GPR107: variants seen among roughly 807,000 people sequenced by gnomAD.
GPR107 encodes G protein-coupled receptor 107, also known as protein GPR107.
A neutral mutation model predicts 75.5 loss-of-function variants in GPR107; 31 were observed. The ratio of observed to expected loss-of-function variants is 0.41; its 90% CI spans 0.31 to 0.55. The LOEUF is 0.55. GPR107 is among the 20% of genes least tolerant of loss of function. GPR107 has a pLI of 0.26. For synonymous variants in GPR107, 267 were observed against 251.3 expected, an observed-to-expected ratio of 1.06 and a Z score of -0.59; for missense variants, 572 against 665.7, an observed-to-expected ratio of 0.86 and a Z score of 1.55.
chr9:130,054,170 AC>A, intron 1 of GPR107, 97 bp downstream of exon 1: 1 of 1,173,334 alleles, frequency 8.5e-7, no homozygotes, highest in Non-Finnish European at 1.2e-6. Context: ...GAGCCACTGG[AC>A]CACCTCTTTG....
intron 17 of GPR107, among the ~76,000 whole-genome samples, chr9:130,134,691 A>G (rs1183540498): frequency 1.3e-5 from 2 of 152,274 alleles, no homozygotes; most frequent in South Asian, 2.1e-4. Flanking sequence ...TAACTATCAC[A>G]TATCTGTGCG....
chr9:130,090,762 G>T, intron 7 of GPR107, 114 bp from the exon 8 acceptor site: 4 of 497,956 alleles, frequency 8.0e-6, no homozygotes, highest in Non-Finnish European at 1.4e-5. Flanking sequence ...TAGAAATATA[G>T]CTGAGTAGAA....
chr9:130,101,189 A>G lies in GPR107; in HGVS notation c.1097A>G (p.Asp366Gly). 1 of 1,593,058 alleles carries G rather than the reference A, an allele frequency of 6.3e-7. No homozygotes were observed. The highest frequency in any genetic ancestry group is 8.6e-7 in the Non-Finnish European group (1 of 1,160,754). ...AFIKHILSDK[D>G]KKIFMIVIPL... is the part of the protein sequence containing the mutation. ...ATTAAGCACATCCTTTCTGATAAAG[A>G]CAAAAAGATCTTCATGATTGTCATT... Residue 366 changes from aspartate (D) to glycine (G), a missense_variant, in exon 12 of 18, where the codon GAC becomes GGC. Asp to Gly is a moderately conservative substitution (Grantham distance 94). Transcript: ENST00000347136.
chr9:130,062,415 A>C (rs1169326672), intron 1 of GPR107, among the ~76,000 whole-genome samples: 1 of 124,710 alleles, frequency 8.0e-6, no homozygotes, highest in African/African-American at 3.4e-5. Flanking sequence ...CCCTGTCTCG[A>C]AAATGATAAT....
chr9:130,074,004 G>A (rs1299569318), intron 1 of GPR107, among the ~76,000 whole-genome samples: 1 of 152,138 alleles, frequency 6.6e-6, no homozygotes, highest in Non-Finnish European at 1.5e-5. Context: ...TGATCCTCCT[G>A]CCTCGGCCTC....
At chr9:130,069,504 C>T (rs1013839092) in intron 1 of GPR107, among the ~76,000 whole-genome samples, 4 of 152,122 alleles carry the variant, frequency 2.6e-5, no homozygotes, top group Non-Finnish European at 4.4e-5. Flanking sequence ...ACATCCTCCT[C>T]GCTTGTACTT....
chr9:130,062,660 G>GCCTGCCTGCCTGCCTT (rs1300037621), intron 1 of GPR107, among the ~76,000 whole-genome samples: 3 of 69,076 alleles, frequency 4.3e-5, no homozygotes, highest in Non-Finnish European at 8.9e-5. Context: ...CTGCCTGCCT[G>GCCTGCCTGCCTGCCTT]CCTTCCTTCC....
intron 14 of GPR107, among the ~76,000 whole-genome samples, chr9:130,111,058 G>T (rs1016818461): frequency 6.6e-6 from 1 of 151,898 alleles, no homozygotes. Context: ...TCACTCTGTT[G>T]CCCAGGCTGG....
intron 1 of GPR107, among the ~76,000 whole-genome samples, chr9:130,060,151 C>A (rs1035168544): frequency 1.3e-5 from 2 of 151,964 alleles, no homozygotes; most frequent in African/African-American, 4.8e-5. Flanking sequence ...CAACCTCCGC[C>A]TCCCAGGTTC....
intron 1 of GPR107, among the ~76,000 whole-genome samples, chr9:130,067,598 A>G (rs1564659827): frequency 6.6e-6 from 1 of 151,884 alleles, no homozygotes; most frequent in African/African-American, 2.4e-5. Context: ...TAGCTGGTGG[A>G]TTTTTGTTAT....
chr9:130,086,627 C>T (rs749329004), intron 7 of GPR107, 151 bp downstream of exon 7: 1 of 625,446 alleles, frequency 1.6e-6, no homozygotes, highest in Non-Finnish European at 2.9e-6. Context: ...TTATAACAAG[C>T]CCACAAGGTG....
intron 4 of GPR107, among the ~76,000 whole-genome samples, chr9:130,079,059 A>G (rs552560155): frequency 6.6e-6 from 1 of 152,260 alleles, no homozygotes; most frequent in South Asian, 2.1e-4. Context: ...CCCAGGTTCA[A>G]GCGATTCTCC....
In GPR107 at chr9:130,135,449, CA is replaced by C. The variant is rs140537133; in HGVS notation, c.*329del. 12,885 of 226,464 alleles carry C rather than the reference CA, an allele frequency of 0.057. 456 individuals are homozygous for C. Among genetic ancestry groups the C allele is most frequent in the Admixed American group, 0.1 (1,966 of 19,246 alleles). The allele number at this position is 226,464 out of a possible 1,614,324, so 14.0% of individuals were successfully genotyped here. ...TCATTTCGGAGCTCTAAGGTGTATG[CA>C]GTTGTGACCCCATGTGTGGGGAAGT... is the stretch of plus-strand genomic sequence containing the variant. On this transcript the variant is annotated 3_prime_UTR_variant, in exon 18 of 18. Transcript: ENST00000347136.
chr9:130,112,800 A>C lies in GPR107; in HGVS notation c.1306+5261A>C, dbSNP rs576963316. ...GGTCTTGCACTGTTGCCCAGGCTGG[A>C]GTCCAGTGGTGTAATCTTGGCTTAC... On this transcript the variant is annotated intron_variant, in intron 14 of 17. Coordinates refer to ENST00000347136, the MANE Select transcript of GPR107 (RefSeq NM_020960.5). This position sits in a 1 kb window ranked among gnomAD's most constrained non-coding sequence, Gnocchi z 4.0. Among the ~76,000 whole-genome samples, 1 of 151,780 alleles carries C rather than the reference A, an allele frequency of 6.6e-6. No homozygotes were observed. Among genetic ancestry groups the C allele is most frequent in the African/African-American group, 2.4e-5 (1 of 41,302 alleles).
chr9:130,101,360 C>T, intron 12 of GPR107, 137 bp downstream of exon 12: 2 of 674,614 alleles, frequency 3.0e-6, no homozygotes, highest in East Asian at 5.0e-5. Flanking sequence ...GACTGAGATT[C>T]TCTTTCTGAA....
Position 130,136,868 on chromosome 9 carries a change from G to A in GPR107, c.*1747G>A, listed in dbSNP as rs2132666664. ...ACCTCTCGGCAGATATTTTAGGCAA[G>A]CATCCGTGTGTCTTCCCATCTTCAG... On this transcript the variant is annotated 3_prime_UTR_variant, in exon 18 of 18. Coordinates refer to ENST00000347136, the MANE Select transcript of GPR107 (RefSeq NM_020960.5). 1 of 152,352 alleles carries A rather than the reference G, an allele frequency of 6.6e-6. No individual in the cohort carries two copies. The highest frequency in any genetic ancestry group is 1.5e-5 in the Non-Finnish European group (1 of 68,044). The allele number at this position is 152,352 out of a possible 1,614,324, so 9.4% of individuals were successfully genotyped here.
At chr9:130,097,982 A>G (rs1233367171) in intron 9 of GPR107, among the ~76,000 whole-genome samples, 6 of 152,166 alleles carry the variant, frequency 3.9e-5, no homozygotes, top group Non-Finnish European at 8.8e-5. Context: ...CCTGGGCTCA[A>G]GTGATCCTCC....
At position 130,124,934 on chromosome 9, in the gene GPR107, G is replaced by A. The variant is rs1831634650; in HGVS notation, c.1326G>A (p.Lys442=). Residue 442 remains lysine (K), a synonymous_variant, in exon 15 of 18, where the codon AAG becomes AAA. Coordinates refer to ENST00000347136, the MANE Select transcript of GPR107 (RefSeq NM_020960.5). ...CTCTAGCTGCTATTAACTTAGCAAA[G>A]CTGAAACTTTTCAGACATTATTACG... ...TDGKAAINLA[K]LKLFRHYYVL... The A allele has an allele frequency of 1.9e-6, 3 of 1,543,922 alleles. No individual in the cohort carries two copies. The highest frequency in any genetic ancestry group is 1.4e-5 in the African/African-American group (1 of 71,470).
chr9:130,072,958 G>A (rs1322427155), intron 1 of GPR107, among the ~76,000 whole-genome samples: 1 of 152,074 alleles, frequency 6.6e-6, no homozygotes, highest in Non-Finnish European at 1.5e-5. Flanking sequence ...ACAACTCAGC[G>A]CATTTCCAGA....
Sources: gnomAD v4.1 joint callset for allele counts (sites outside exome capture counted in the v4.1 genomes callset) on GRCh38, gnomAD v4.1.1 for gene constraint, Gnocchi (gnomAD v3.1) non-coding constraint, MANE v1.5 for transcripts, NCBI Gene and HGNC (gene_info 2026-07-23, HGNC 2026-07-21) for gene names.